PARD3: variants seen among roughly 807,000 people sequenced by gnomAD.
PARD3 encodes partitioning defective 3 homolog.
In PARD3, 75 loss-of-function variants were observed where a neutral mutation model predicts 155.4. That is an observed-to-expected ratio of 0.48 (90% confidence interval 0.40 to 0.58). PARD3 has a LOEUF of 0.58. PARD3 is among the 20% of genes least tolerant of loss of function. The probability of loss-of-function intolerance (pLI) is 0.00; values close to 1 mark genes in which losing one functional copy is unlikely to be tolerated. For synonymous variants in PARD3, 576 were observed against 610.5 expected, an observed-to-expected ratio of 0.94 and a Z score of 0.83; for missense variants, 1,642 against 1,721.7, an observed-to-expected ratio of 0.95 and a Z score of 0.82.
chr10:34,583,568 A>C (rs999986770), intron 2 of PARD3, among the ~76,000 whole-genome samples: 4 of 152,138 alleles, frequency 2.6e-5, no homozygotes, highest in African/African-American at 2.4e-5. Context: ...ATGTTCCATC[A>C]ATCAGTCCAG....
chr10:34,384,499 A>T (rs188194287), intron 7 of PARD3, among the ~76,000 whole-genome samples: 2 of 152,360 alleles, frequency 1.3e-5, no homozygotes, highest in East Asian at 3.9e-4. Flanking sequence ...TTCTAGAACA[A>T]GCTATAACAC....
At chr10:34,807,517 T>C (rs1843558619) in intron 1 of PARD3, among the ~76,000 whole-genome samples, 1 of 152,190 alleles carries the variant, frequency 6.6e-6, no homozygotes, top group South Asian at 2.1e-4. Context: ...ACAGTCTCCA[T>C]GACTCCAAAC....
intron 22 of PARD3, among the ~76,000 whole-genome samples, chr10:34,147,433 T>A (rs950044069): frequency 3.0e-5 from 3 of 99,822 alleles, no homozygotes; most frequent in Non-Finnish European, 5.6e-5. Flanking sequence ...CTAGTTTGAC[T>A]TTTTTTCTCT....
intron 1 of PARD3, among the ~76,000 whole-genome samples, chr10:34,811,897 C>G (rs979337384): frequency 6.6e-6 from 1 of 152,164 alleles, no homozygotes; most frequent in Non-Finnish European, 1.5e-5. Context: ...CCATGTAACG[C>G]GGTTCCCAAT....
chr10:34,533,616 G>A (rs1471263896), intron 2 of PARD3, among the ~76,000 whole-genome samples: 4 of 151,908 alleles, frequency 2.6e-5, no homozygotes, highest in East Asian at 3.9e-4. Context: ...TGACCAGCCC[G>A]GACAACATGG....
intron 2 of PARD3, among the ~76,000 whole-genome samples, chr10:34,545,303 C>T (rs2133920257): frequency 6.6e-6 from 1 of 152,260 alleles, no homozygotes; most frequent in Non-Finnish European, 1.5e-5. Context: ...AGAGCAAGGT[C>T]AGATGGTTAA....
intron 4 of PARD3, 58 bp downstream of exon 4, chr10:34,470,027 C>T (rs368590750): frequency 8.6e-6 from 12 of 1,391,374 alleles, no homozygotes; most frequent in South Asian, 4.5e-5. Flanking sequence ...ACACTCATCA[C>T]GGACACCAAG....
intron 22 of PARD3, among the ~76,000 whole-genome samples, chr10:34,173,495 T>A (rs1235996258): frequency 6.6e-6 from 1 of 152,142 alleles, no homozygotes; most frequent in Non-Finnish European, 1.5e-5. Context: ...GTAACTTTTT[T>A]CCTCCACCTG....
chr10:34,813,401 C>A (rs941990771), intron 1 of PARD3, among the ~76,000 whole-genome samples: 2 of 152,156 alleles, frequency 1.3e-5, no homozygotes, highest in Non-Finnish European at 2.9e-5. Context: ...AACTGTCACA[C>A]ATAAACAACA....
intron 5 of PARD3, among the ~76,000 whole-genome samples, chr10:34,417,584 G>C (rs1227537984): frequency 6.6e-6 from 1 of 152,048 alleles, no homozygotes; most frequent in Non-Finnish European, 1.5e-5. Context: ...TCAAAATAAA[G>C]AAAATAATTT....
chr10:34,531,233 T>G (rs2082829216), intron 2 of PARD3, among the ~76,000 whole-genome samples: 1 of 152,098 alleles, frequency 6.6e-6, no homozygotes, highest in Non-Finnish European at 1.5e-5. Flanking sequence ...TTTCCAGCAC[T>G]TTCGTCTGCA....
At chr10:34,153,675 A>G (rs982746829) in intron 22 of PARD3, among the ~76,000 whole-genome samples, 1 of 152,230 alleles carries the variant, frequency 6.6e-6, no homozygotes, top group African/African-American at 2.4e-5. Context: ...AAGATGAATT[A>G]AATATTCATC....
rs562504955 is a variant in PARD3 at position 34,346,802 on chromosome 10, A to G, written c.2218+1163T>C. 3.3e-5 allele frequency among the ~76,000 whole-genome samples: 5 copies of G among 152,376 alleles called. No individual in the cohort carries two copies. In the South Asian group the frequency reaches 8.3e-4, roughly 25 times the overall value. ...GAAAGCTGGCTTGTCTAAGTTCCAC[A>G]TGTAACAAGATAAGAAATTACATAT... On this transcript the variant is annotated intron_variant, in intron 15 of 24. Coordinates refer to ENST00000374788, the MANE Select transcript of PARD3 (RefSeq NM_001184785.2).
At chr10:34,282,347 A>G (rs961698355) in intron 21 of PARD3, among the ~76,000 whole-genome samples, 8 of 152,158 alleles carry the variant, frequency 5.3e-5, no homozygotes, top group Admixed American at 4.6e-4. Context: ...ATTATGATCA[A>G]CCTAGTTCCC....
intron 5 of PARD3, among the ~76,000 whole-genome samples, chr10:34,430,350 T>C (rs1214906585): frequency 6.6e-6 from 1 of 152,222 alleles, no homozygotes; most frequent in Non-Finnish European, 1.5e-5. Flanking sequence ...GAATAGACTA[T>C]TGTACGTAAT....
chr10:34,311,538 C>G (rs11596342), intron 20 of PARD3, among the ~76,000 whole-genome samples: 2,991 of 152,326 alleles, frequency 0.02, 51 homozygotes, highest in Non-Finnish European at 0.031. Flanking sequence ...GGAGATCCAC[C>G]TGCACTAGCA....
chr10:34,256,560 A>T (rs1416589499), intron 22 of PARD3, among the ~76,000 whole-genome samples: 1 of 152,242 alleles, frequency 6.6e-6, no homozygotes, highest in African/African-American at 2.4e-5. Context: ...GCTGCAAGAG[A>T]CATCCACCCA....
chr10:34,297,466 C>CA (rs1956960474), intron 20 of PARD3, among the ~76,000 whole-genome samples: 1 of 152,148 alleles, frequency 6.6e-6, no homozygotes, highest in Non-Finnish European at 1.5e-5. Flanking sequence ...ACACGTAGCA[C>CA]ACTGCTGGCA....
At chr10:34,665,570 G>T (rs2093431162) in intron 2 of PARD3, among the ~76,000 whole-genome samples, 1 of 151,032 alleles carries the variant, frequency 6.6e-6, no homozygotes, top group Non-Finnish European at 1.5e-5. Context: ...GCCTGGCACG[G>T]TGCTCACACC....
Sources: allele counts gnomAD v4.1 joint callset (sites outside exome capture counted in the v4.1 genomes callset), GRCh38; gene constraint gnomAD v4.1.1; transcripts MANE v1.5; gene names NCBI Gene and HGNC (gene_info 2026-07-23, HGNC 2026-07-21).